The following WIPF1 variants were observed in gnomAD, a reference collection of about 807,000 sequenced individuals.
WIPF1 encodes the protein WAS/WASL-interacting protein family member 1.
WIPF1 carries 13 observed loss-of-function variants against 35.4 expected under a neutral mutation model. The observed-to-expected ratio is 0.37, with a 90% confidence interval of 0.24 to 0.58. WIPF1 has a LOEUF of 0.58. Ranked by LOEUF, WIPF1 falls within the 20% of genes least tolerant of loss-of-function variation. WIPF1 has a pLI of 0.74. For missense variants in WIPF1, 591 were observed against 667.0 expected, an observed-to-expected ratio of 0.89 and a Z score of 1.25; for synonymous variants, 267 against 266.3, an observed-to-expected ratio of 1.00 and a Z score of -0.02.
chr2:174,617,823 A>T (rs1178259469), intron 1 of WIPF1, among the ~76,000 whole-genome samples: 1 of 152,240 alleles, frequency 6.6e-6, no homozygotes, highest in African/African-American at 2.4e-5. Flanking sequence ...CCAGTCCATG[A>T]ATGGAAAGAA....
At chr2:174,591,488 G>C (rs537326461) in intron 1 of WIPF1, among the ~76,000 whole-genome samples, 1 of 152,122 alleles carries the variant, frequency 6.6e-6, no homozygotes, top group African/African-American at 2.4e-5. Flanking sequence ...ACTGCCAAAG[G>C]TTTATTTAAT....
intron 1 of WIPF1, among the ~76,000 whole-genome samples, chr2:174,631,621 T>C (rs1687024927): frequency 6.6e-6 from 1 of 152,204 alleles, no homozygotes; most frequent in African/African-American, 2.4e-5. Flanking sequence ...TTATCACAAT[T>C]AAAACTCCCC....
At chr2:174,584,048 G>A (rs1396264215) in intron 2 of WIPF1, among the ~76,000 whole-genome samples, 2 of 152,054 alleles carry the variant, frequency 1.3e-5, no homozygotes, top group East Asian at 1.9e-4. Context: ...GGCTGGTCTC[G>A]AACTCCTGGG....
At chr2:174,658,985 G>C (rs1312252781) in intron 1 of WIPF1, among the ~76,000 whole-genome samples, 5 of 152,132 alleles carry the variant, frequency 3.3e-5, no homozygotes, top group African/African-American at 1.2e-4. Context: ...TCAATATCTG[G>C]AAAATGGAGA....
intron 1 of WIPF1, among the ~76,000 whole-genome samples, chr2:174,631,466 G>C (rs1303149317): frequency 6.6e-6 from 1 of 152,186 alleles, no homozygotes; most frequent in Non-Finnish European, 1.5e-5. Flanking sequence ...CTGGGGGAAA[G>C]GGAATGGGGA....
At chr2:174,593,962 A>T (rs1195228688) in intron 1 of WIPF1, among the ~76,000 whole-genome samples, 1 of 152,246 alleles carries the variant, frequency 6.6e-6, no homozygotes, top group East Asian at 1.9e-4. Flanking sequence ...AAAGGCAGAG[A>T]AGAGGAAAAC....
intron 1 of WIPF1, among the ~76,000 whole-genome samples, chr2:174,596,739 C>CA (rs578232234): frequency 2.6e-5 from 4 of 151,124 alleles, no homozygotes; most frequent in East Asian, 1.9e-4. Context: ...AATACAAAAA[C>CA]AAAAAAAACA....
At chr2:174,592,021 G>T (rs1014380605) in intron 1 of WIPF1, among the ~76,000 whole-genome samples, 31 of 152,220 alleles carry the variant, frequency 2.0e-4, no homozygotes, top group Non-Finnish European at 3.7e-4. Flanking sequence ...GTCCAGACGT[G>T]CCCCAGGAAA....
At chr2:174,627,906 A>G (rs1686897809) in intron 1 of WIPF1, among the ~76,000 whole-genome samples, 1 of 152,124 alleles carries the variant, frequency 6.6e-6, no homozygotes, top group African/African-American at 2.4e-5. Flanking sequence ...TTTAATTTTA[A>G]TAATGTTTGT....
At chr2:174,664,740 C>T (rs1687853823) in intron 1 of WIPF1, among the ~76,000 whole-genome samples, 1 of 152,206 alleles carries the variant, frequency 6.6e-6, no homozygotes, top group Admixed American at 6.5e-5. Context: ...ACCTGAAACC[C>T]AGATGGGGTC....
chr2:174,593,005 T>C (rs1685671048), intron 1 of WIPF1, among the ~76,000 whole-genome samples: 2 of 152,188 alleles, frequency 1.3e-5, no homozygotes, highest in African/African-American at 4.8e-5. Context: ...TTGTTTGTTG[T>C]TGTTTTCTTC....
At chr2:174,574,439 T>G (rs548437479) in intron 4 of WIPF1, among the ~76,000 whole-genome samples, 1 of 152,332 alleles carries the variant, frequency 6.6e-6, no homozygotes, top group Non-Finnish European at 1.5e-5. Flanking sequence ...CATATTCATG[T>G]AAATGTGAGA....
At chr2:174,588,733 G>A (rs1485529249) in intron 1 of WIPF1, among the ~76,000 whole-genome samples, 1 of 152,196 alleles carries the variant, frequency 6.6e-6, no homozygotes, top group Non-Finnish European at 1.5e-5. Context: ...GGTTCAGGGA[G>A]CAAGATGCTA....
At chr2:174,667,813 T>G (rs1026363417) in intron 1 of WIPF1, among the ~76,000 whole-genome samples, 1 of 152,200 alleles carries the variant, frequency 6.6e-6, no homozygotes, top group Non-Finnish European at 1.5e-5. Flanking sequence ...TTTTTCTTTA[T>G]GGAAAGGAAG....
Position 174,572,120 on chromosome 2 carries a change from C to A in WIPF1, c.685G>T (p.Ala229Ser). The A allele has an allele frequency of 1.9e-6, 3 of 1,607,070 alleles. No individual in the cohort carries two copies. The South Asian group carries it at 3.3e-5, about 18-fold the overall frequency. Residue 229 changes from alanine to serine, a missense_variant, in exon 5 of 8, where the codon GCT becomes TCT. Physicochemically the swap from Ala to Ser is moderately conservative, Grantham distance 99 (BLOSUM62 1). Coordinates refer to ENST00000679041, the MANE Select transcript of WIPF1 (RefSeq NM_001375834.1). ...TGACGTATTGAGCCTCCTCCCAAAG[C>A]AGTGCCGCGGTTTCCAGGGAAAGGG... is the stretch of plus-strand genomic sequence containing the variant. The part of the protein sequence containing the change: ...PPPFPGNRGT[A>S]LGGGSIRQSP...
chr2:174,603,950 TTAA>T (rs1452554696), intron 1 of WIPF1, among the ~76,000 whole-genome samples: 5 of 152,180 alleles, frequency 3.3e-5, no homozygotes, highest in Non-Finnish European at 1.5e-5. Flanking sequence ...TATTTACATT[TTAA>T]AGGAGGATTT....
chr2:174,581,570 C>A, intron 2 of WIPF1, 131 bp from the exon 3 acceptor site: 2 of 1,160,982 alleles, frequency 1.7e-6, no homozygotes, highest in South Asian at 3.3e-5. Flanking sequence ...AAATTCTCGA[C>A]AAGTTTTAGA....
rs185636054 is a variant in WIPF1 at position 174,573,343 on chromosome 2, G to A, written c.359-897C>T. ...AAATAATTTTGAGCACTTGCTATGC[G>A]CCTGCCATTAATCTAGAGACTAGAG... On this transcript the variant is annotated intron_variant, in intron 4 of 7. Transcript: ENST00000679041. Among the ~76,000 whole-genome samples the A allele has an allele frequency of 9.1e-3, 1,386 of 151,884 alleles. 21 individuals carry two copies. The highest frequency in any genetic ancestry group is 0.032 in the African/African-American group (1,326 of 41,400).
At chr2:174,655,071 A>G (rs1687613595) in intron 1 of WIPF1, among the ~76,000 whole-genome samples, 1 of 152,126 alleles carries the variant, frequency 6.6e-6, no homozygotes, top group Non-Finnish European at 1.5e-5. Context: ...AGGTCCAACC[A>G]TGTTCCACTT....
Sources: allele counts gnomAD v4.1 joint callset (sites outside exome capture counted in the v4.1 genomes callset), GRCh38; gene constraint gnomAD v4.1.1; transcripts MANE v1.5; gene names NCBI Gene and HGNC (gene_info 2026-07-23, HGNC 2026-07-21).